The following DLG2 variants were observed in gnomAD, a reference collection of about 807,000 sequenced individuals.
The protein encoded by DLG2 is disks large homolog 2.
In DLG2, 45 loss-of-function variants were observed where a neutral mutation model predicts 132.5. That is an observed-to-expected ratio of 0.34 (90% CI 0.27 to 0.44). The LOEUF (loss-of-function observed/expected upper bound fraction) is 0.44. Among genes scored for constraint, DLG2 ranks in the 20% least tolerant of loss-of-function variants. DLG2 has a pLI of 1.00. For synonymous variants in DLG2, 424 were observed against 419.6 expected (o/e 1.01, Z -0.13); for missense variants, 1,045 against 1,196.9 (o/e 0.87, Z 1.87).
intron 19 of DLG2, among the ~76,000 whole-genome samples, chr11:83,605,007 CAGAGAGAGAG>C (rs71066055): frequency 3.1e-5 from 4 of 129,834 alleles, no homozygotes; most frequent in Non-Finnish European, 5.0e-5. Flanking sequence ...TTTTCAAAGA[CAGAGAGAGAG>C]AGAGAGAGAG....
At position 85,531,669 on chromosome 11, in the gene DLG2, G is replaced by A. The variant is rs1046855235; in HGVS notation, c.40+66988C>T. ...ATCTTTGACAGGAAGAGAAGTGGGC[G>A]TAGACACCTGTGAAGGCATGATACA... On this transcript the variant is annotated intron_variant, in intron 3 of 27. Transcript: ENST00000376104. Among the ~76,000 whole-genome samples the A allele has an allele frequency of 7.2e-5, 11 of 152,290 alleles. No homozygotes were observed. The East Asian group carries it at 7.7e-4, about 11-fold the overall frequency.
At chr11:83,941,148 G>A (rs1037260622) in intron 14 of DLG2, among the ~76,000 whole-genome samples, 23 of 152,156 alleles carry the variant, frequency 1.5e-4, no homozygotes, top group Admixed American at 3.9e-4. Context: ...GTATAAATAC[G>A]TGACTATTAC....
chr11:84,859,569 A>G (rs1222286609), intron 6 of DLG2, among the ~76,000 whole-genome samples: 1 of 151,320 alleles, frequency 6.6e-6, no homozygotes, highest in Non-Finnish European at 1.5e-5. Context: ...TAATGTTAGA[A>G]GATCAAAGGA....
intron 7 of DLG2, among the ~76,000 whole-genome samples, chr11:84,496,650 A>G (rs2154500576): frequency 6.6e-6 from 1 of 152,306 alleles, no homozygotes; most frequent in Non-Finnish European, 1.5e-5. Context: ...AAAAATGTCC[A>G]AAGCCCATCC....
intron 6 of DLG2, among the ~76,000 whole-genome samples, chr11:85,108,999 A>G (rs569952867): frequency 1.3e-5 from 2 of 152,182 alleles, no homozygotes; most frequent in East Asian, 3.9e-4. Context: ...TCTCATTCAT[A>G]TGATTCAAAA....
chr11:84,955,750 T>A (rs965057692), intron 6 of DLG2: 3 of 152,218 alleles, frequency 2.0e-5, no homozygotes, highest in Non-Finnish European at 2.9e-5. Flanking sequence ...TCTACTTCTG[T>A]ATTTGTTTGG....
chr11:85,406,565 A>G (rs892589691), intron 3 of DLG2, among the ~76,000 whole-genome samples: 1 of 151,900 alleles, frequency 6.6e-6, no homozygotes, highest in African/African-American at 2.4e-5. Flanking sequence ...AACCATAAAG[A>G]TACGATGACT....
intron 6 of DLG2, among the ~76,000 whole-genome samples, chr11:84,638,420 C>G (rs2099644393): frequency 6.6e-6 from 1 of 152,138 alleles, no homozygotes; most frequent in South Asian, 2.1e-4. Flanking sequence ...ATTTACATCC[C>G]ATGGCAACCT....
intron 3 of DLG2, among the ~76,000 whole-genome samples, chr11:85,537,947 T>C (rs2075707640): frequency 6.6e-6 from 1 of 151,620 alleles, no homozygotes; most frequent in Non-Finnish European, 1.5e-5. Flanking sequence ...AAACCCCGTC[T>C]CTACTAAAAA....
intron 11 of DLG2, among the ~76,000 whole-genome samples, chr11:84,048,075 T>A (rs1366373609): frequency 6.6e-6 from 1 of 151,440 alleles, no homozygotes; most frequent in Non-Finnish European, 1.5e-5. Context: ...ATTAACAACG[T>A]GCATGCACAA....
intron 8 of DLG2, among the ~76,000 whole-genome samples, chr11:84,165,696 G>A (rs561942989): frequency 1.6e-3 from 236 of 152,112 alleles, no homozygotes; most frequent in African/African-American, 5.2e-3. Context: ...TCAGGAGTTC[G>A]AGACCAGCCT....
At chr11:83,700,132 T>TA (rs1312521996) in intron 18 of DLG2, among the ~76,000 whole-genome samples, 1 of 152,012 alleles carries the variant, frequency 6.6e-6, no homozygotes, top group African/African-American at 2.4e-5. Flanking sequence ...AAAATTAGGA[T>TA]AGCAATTGGT....
intron 6 of DLG2, among the ~76,000 whole-genome samples, chr11:84,539,799 T>G (rs750694138): frequency 1.3e-5 from 2 of 152,106 alleles, no homozygotes; most frequent in Non-Finnish European, 2.9e-5. Flanking sequence ...CTACCTAACT[T>G]CAAACTATAC....
In DLG2 at chr11:83,582,571, C is replaced by T. The variant is rs538295611; in HGVS notation, c.1941-40713G>A. On this transcript the variant is annotated intron_variant, in intron 19 of 27. Transcript: ENST00000376104. Reference sequence around the variant, plus strand: ...CAGCAAAATCATAAACTGGTTCATACTTAGCACTAGTCATTCCTGCATAGG... The same window carrying T: ...CAGCAAAATCATAAACTGGTTCATATTTAGCACTAGTCATTCCTGCATAGG... Among the ~76,000 whole-genome samples the T allele has an allele frequency of 3.9e-5, 6 of 152,294 alleles. No individual in the cohort carries two copies. The South Asian group carries it at 8.3e-4, about 21-fold the overall frequency.
At chr11:85,411,991 C>T (rs571398112) in intron 3 of DLG2, among the ~76,000 whole-genome samples, 64 of 151,970 alleles carry the variant, frequency 4.2e-4, no homozygotes, top group African/African-American at 1.3e-3. Flanking sequence ...CTATTCTCCC[C>T]TATGCTGTAT....
At chr11:85,440,027 T>C (rs553571882) in intron 3 of DLG2, among the ~76,000 whole-genome samples, 9 of 152,324 alleles carry the variant, frequency 5.9e-5, no homozygotes, top group African/African-American at 1.9e-4. Context: ...TCTCTTACTA[T>C]ATGGCTTAGG....
chr11:85,516,698 C>A (rs761492354), intron 3 of DLG2, among the ~76,000 whole-genome samples: 15 of 152,014 alleles, frequency 9.9e-5, no homozygotes, highest in Non-Finnish European at 1.3e-4. Flanking sequence ...TTCCTGAACA[C>A]ATAGAACCTT....
At chr11:83,466,642 G>T (rs1240681945) in intron 26 of DLG2, 66 bp downstream of exon 26, 13 of 795,704 alleles carry the variant, frequency 1.6e-5, no homozygotes, top group Non-Finnish European at 2.7e-5. Flanking sequence ...AATCCTGTTA[G>T]TAATTTTCAG....
intron 6 of DLG2, among the ~76,000 whole-genome samples, chr11:84,697,218 A>C (rs1229756518): frequency 6.6e-6 from 1 of 151,526 alleles, no homozygotes. Flanking sequence ...GAAAAGGAAC[A>C]TAGTACTGTT....
Sources: allele counts gnomAD v4.1 joint callset (sites outside exome capture counted in the v4.1 genomes callset), GRCh38; gene constraint gnomAD v4.1.1; transcripts MANE v1.5; gene names NCBI Gene and HGNC (gene_info 2026-07-23, HGNC 2026-07-21).